Variants in POMGNT1 observed in about 807,000 individuals in gnomAD.
POMGNT1 encodes protein O-linked-mannose beta-1,2-N-acetylglucosaminyltransferase 1.
Under a neutral mutation model 95.6 loss-of-function variants are expected in POMGNT1, and 67 were observed. The ratio of observed to expected loss-of-function variants is 0.70; its 90% CI spans 0.58 to 0.86. The LOEUF (loss-of-function observed/expected upper bound fraction) is 0.86, where lower values mean the gene tolerates loss of function less well. POMGNT1 is among the 40% of genes least tolerant of loss of function. The probability of loss-of-function intolerance (pLI) is 0.00; values close to 1 mark genes in which losing one functional copy is unlikely to be tolerated. For synonymous variants in POMGNT1, 298 were observed against 317.9 expected (o/e 0.94, Z 0.66); for missense variants, 719 against 855.2 (o/e 0.84, Z 1.99).
intron 1 of POMGNT1, among the ~76,000 whole-genome samples, chr1:46,211,495 T>C (rs552129068): frequency 6.8e-6 from 1 of 148,114 alleles, no homozygotes; most frequent in Admixed American, 6.7e-5. Context: ...ATATCACAAC[T>C]AGTAAATAAG....
At chr1:46,190,696 C>T (rs781517642) in intron 18 of POMGNT1, 24 bp downstream of exon 18, 11 of 1,601,658 alleles carry the variant, frequency 6.9e-6, no homozygotes, top group Non-Finnish European at 9.4e-6. Context: ...GATATCCACC[C>T]CTTGCCCTGC....
At position 46,219,896 on chromosome 1, in the gene POMGNT1, C is replaced by T. The variant is rs760853103; in HGVS notation, c.-242G>A. The T allele has an allele frequency of 3.8e-5, 62 of 1,613,766 alleles. 2 individuals are homozygous for T. The South Asian group carries it at 5.4e-4, about 14-fold the overall frequency. Reference sequence around the variant, plus strand: ...GAGGCAGCTGGGACAGCCTGCCAGACACCAGCACCACCGACCGGCTGGACA... The same window carrying T: ...GAGGCAGCTGGGACAGCCTGCCAGATACCAGCACCACCGACCGGCTGGACA... On this transcript the variant is annotated 5_prime_UTR_variant, in exon 1 of 23. Coordinates refer to the POMGNT1 transcript ENST00000371992.
rs536236157 is a variant in POMGNT1, at chr1:46,217,935, C to A, written c.-51+1770G>T. Among the ~76,000 whole-genome samples the A allele has an allele frequency of 4.6e-5, 7 of 152,080 alleles. No individual in the cohort carries two copies. In the East Asian group the frequency reaches 1.4e-3, roughly 29 times the overall value. ...ATAGAAAATGCCTGAAATTTAAATA[C>A]CAAGAAATAGCAATATAAATATGGA... On this transcript the variant is annotated intron_variant, in intron 1 of 22. Transcript: ENST00000371992.
chr1:46,219,342 A>G (rs13374117), intron 1 of POMGNT1, among the ~76,000 whole-genome samples: 3,021 of 152,270 alleles, frequency 0.02, 87 homozygotes, highest in African/African-American at 0.064. Flanking sequence ...TCAAAGCTTA[A>G]TAGGATTGGA....
intron 18 of POMGNT1, 34 bp from the exon 19 acceptor site, chr1:46,190,551 G>A (rs375585622): frequency 2.5e-6 from 4 of 1,572,276 alleles, no homozygotes; most frequent in Non-Finnish European, 3.5e-6. Context: ...CAGGGGAGTG[G>A]GCAGGCCCTC....
rs576860809 is a variant in POMGNT1 at position 46,195,838 on chromosome 1, G to C, written c.507C>G (p.Pro169=). 5 of 1,605,484 alleles carry C rather than the reference G, an allele frequency of 3.1e-6. No homozygotes were observed. The South Asian group carries it at 5.6e-5, about 18-fold the overall frequency. ...TGACAGTGCAGATGAGCACTCGGCC[G>C]GGCGCTACCATGTTGAGGAATAGCA... ...AMVLFLNMVA[P]GRVLICTVKD... Residue 169 remains proline, a synonymous_variant, in exon 6 of 22, where the codon CCC becomes CCG. Transcript: ENST00000371984.
chr1:46,212,488 A>G lies in POMGNT1; in HGVS notation c.-51+7217T>C, dbSNP rs535312088. ...AACAGAGACGGGGTTTCACCGTGTT[A>G]GCCAGGATGGTCTTGATCTCCTGAC... is the stretch of plus-strand genomic sequence containing the variant. On this transcript the variant is annotated intron_variant, in intron 1 of 22. Coordinates refer to the POMGNT1 transcript ENST00000371992. Among the ~76,000 whole-genome samples the G allele has an allele frequency of 9.9e-5, 15 of 152,002 alleles. No homozygotes were observed. In the East Asian group the frequency reaches 2.3e-3, roughly 24 times the overall value.
At chr1:46,207,876 A>T (rs1002203971) in intron 1 of POMGNT1, among the ~76,000 whole-genome samples, 5 of 143,456 alleles carry the variant, frequency 3.5e-5, no homozygotes, top group African/African-American at 1.3e-4. Context: ...TATTATCATT[A>T]TTTTTTTTGA....
upstream of POMGNT1, among the ~76,000 whole-genome samples, chr1:46,201,009 T>G (rs1277113090): frequency 6.6e-6 from 1 of 152,082 alleles, no homozygotes; most frequent in Non-Finnish European, 1.5e-5. Flanking sequence ...CAGGTGCCTG[T>G]AATTCCAGTT....
At chr1:46,197,607 C>G in intron 2 of POMGNT1, 95 bp downstream of exon 2, 1 of 1,586,868 alleles carries the variant, frequency 6.3e-7, no homozygotes, top group Non-Finnish European at 8.6e-7. Context: ...CCCTTTCCCA[C>G]TGGGGCTGGC....
upstream of POMGNT1, among the ~76,000 whole-genome samples, chr1:46,202,920 G>GGTGGT (rs1553164825): frequency 9.6e-4 from 62 of 64,512 alleles, 4 homozygotes; most frequent in Non-Finnish European, 1.5e-3. Context: ...GGGGGGGGGT[G>GGTGGT]GTGTGTGTGT....
intron 9 of POMGNT1, 33 bp downstream of exon 9, chr1:46,194,241 G>A (rs749560050): frequency 5.0e-6 from 8 of 1,614,016 alleles, no homozygotes; most frequent in Middle Eastern, 1.6e-4. Context: ...CTGGGAAGGA[G>A]TCCAAACCTC....
At position 46,192,498 on chromosome 1, in the gene POMGNT1, CCCTGGTCATTCCAGCCTA is replaced by C. The variant is rs1057516409; in HGVS notation, c.1284+2_1284+19del. 4.3e-6 allele frequency: 7 copies of C among 1,614,042 alleles called. No homozygotes were observed. The highest frequency in any genetic ancestry group is 1.7e-5 in the Admixed American group (1 of 60,012). On this transcript the variant is annotated splice_donor_variant and splice_donor_5th_base_variant and intron_variant, in intron 15 of 21. Coordinates refer to ENST00000371984, the MANE Select transcript of POMGNT1 (RefSeq NM_017739.4). LOFTEE classifies it high-confidence loss of function. Reference sequence around the variant, plus strand: ...AGGCCTCATAAACTCGCCTGCTAAACCCTGGTCATTCCAGCCTACCTGGTCATTCCAGGCAGAGATGCA... The same window carrying C: ...AGGCCTCATAAACTCGCCTGCTAAACCCTGGTCATTCCAGGCAGAGATGCA...
chr1:46,195,081 C>G (rs1205609709), intron 6 of POMGNT1, 120 bp from the exon 7 acceptor site: 1 of 867,490 alleles, frequency 1.2e-6, no homozygotes, highest in African/African-American at 1.7e-5. Flanking sequence ...ATTGCAATAA[C>G]CCTCTATGGT....
At chr1:46,197,575 C>T in intron 2 of POMGNT1, 127 bp downstream of exon 2, 2 of 1,564,824 alleles carry the variant, frequency 1.3e-6, no homozygotes, top group South Asian at 2.2e-5. Context: ...ACATAGAGGT[C>T]TCCCCTCTAG....
At position 46,215,376 on chromosome 1, in the gene POMGNT1, A is replaced by T. The variant is rs573200492; in HGVS notation, c.-51+4329T>A. Among the ~76,000 whole-genome samples, 12 of 152,330 alleles carry T rather than the reference A, an allele frequency of 7.9e-5. No individual in the cohort carries two copies. In the South Asian group the frequency reaches 1.7e-3, roughly 21 times the overall value. ...GGATAATCATCAAAGAAATAATTTT[A>T]AAAAATCTCCCAGAACTGAAGAACG... On this transcript the variant is annotated intron_variant, in intron 1 of 22. Coordinates refer to the POMGNT1 transcript ENST00000371992.
intron 1 of POMGNT1, among the ~76,000 whole-genome samples, chr1:46,217,225 G>C (rs1659096650): frequency 6.6e-6 from 1 of 152,184 alleles, no homozygotes; most frequent in Non-Finnish European, 1.5e-5. Context: ...GATGGAAGCA[G>C]AGCAGAGGGC....
rs937052586 is a variant in POMGNT1 at position 46,216,055 on chromosome 1, T to G, written c.-51+3650A>C. The stretch of plus-strand genomic sequence containing the variant: ...ACTTTTATTTTATCTTTTTTTTTTT[T>G]TTTTTTTTTTTGTGACGGAGTCTCG... On this transcript the variant is annotated intron_variant, in intron 1 of 22. Transcript: ENST00000371992. Among the ~76,000 whole-genome samples, 4 of 139,200 alleles carry G rather than the reference T, an allele frequency of 2.9e-5. 1 individual carries two copies. Among genetic ancestry groups the G allele is most frequent in the African/African-American group, 1.1e-4 (4 of 37,812 alleles). 91.3% of individuals were successfully genotyped at this position (139,200 alleles called of 152,430 possible).
chr1:46,219,823 C>T, exon 1 of POMGNT1: 1 of 1,614,206 alleles, frequency 6.2e-7, no homozygotes, highest in Non-Finnish European at 8.5e-7. Context: ...AGCAGCCTCA[C>T]CAGCAGTCAA....
Sources: allele counts gnomAD v4.1 joint callset (sites outside exome capture counted in the v4.1 genomes callset), GRCh38; gene constraint gnomAD v4.1.1; transcripts MANE v1.5; gene names NCBI Gene and HGNC (gene_info 2026-07-23, HGNC 2026-07-21).